CSMD3: variants seen among roughly 807,000 people sequenced by gnomAD.
The protein encoded by CSMD3 is CUB and sushi domain-containing protein 3.
Under a neutral mutation model 435.2 loss-of-function variants are expected in CSMD3, and 177 were observed. The ratio of observed to expected loss-of-function variants is 0.41; its 90% CI spans 0.36 to 0.46. The LOEUF (loss-of-function observed/expected upper bound fraction) is 0.46, where lower values mean the gene tolerates loss of function less well. Ranked by LOEUF, CSMD3 falls within the 20% of genes least tolerant of loss-of-function variation. The pLI, the probability that CSMD3 is intolerant of heterozygous loss-of-function variation, is 0.34. For synonymous variants in CSMD3, 1,656 were observed against 1,520.5 expected (o/e 1.09, Z -2.07); for missense variants, 4,265 against 4,504.6 (o/e 0.95, Z 1.52).
chr8:112,946,928 A>T (rs1031848465), intron 9 of CSMD3, among the ~76,000 whole-genome samples: 2 of 151,600 alleles, frequency 1.3e-5, no homozygotes, highest in African/African-American at 2.4e-5. Context: ...TCTAAGAACT[A>T]TTTTTTTCTT....
At chr8:112,627,876 A>G (rs372554765) in intron 22 of CSMD3, among the ~76,000 whole-genome samples, 2 of 152,314 alleles carry the variant, frequency 1.3e-5, no homozygotes, top group East Asian at 3.9e-4. Flanking sequence ...GCAGACACAC[A>G]GAAAGTATAA....
At chr8:113,284,856 A>G (rs2093635080) in intron 2 of CSMD3, among the ~76,000 whole-genome samples, 1 of 152,198 alleles carries the variant, frequency 6.6e-6, no homozygotes, top group Non-Finnish European at 1.5e-5. Context: ...ATAGTGAATG[A>G]CATTTTATGT....
chr8:113,378,889 CT>C (rs2094402352), intron 1 of CSMD3, among the ~76,000 whole-genome samples: 1 of 151,950 alleles, frequency 6.6e-6, no homozygotes, highest in Admixed American at 6.6e-5. Context: ...TTGAGAAACC[CT>C]ACTTTAAAGA....
chr8:113,038,079 G>A (rs1171883161), intron 5 of CSMD3, among the ~76,000 whole-genome samples: 1 of 152,116 alleles, frequency 6.6e-6, no homozygotes, highest in Non-Finnish European at 1.5e-5. Flanking sequence ...GGGCAACAGG[G>A]TCTGCAGACA....
chr8:112,355,445 G>T (rs886642646), intron 38 of CSMD3, among the ~76,000 whole-genome samples: 1 of 152,272 alleles, frequency 6.6e-6, no homozygotes, highest in East Asian at 1.9e-4. Context: ...TTCATAATGG[G>T]AGAAAATGTT....
chr8:112,828,069 T>C (rs1424446169), intron 12 of CSMD3, among the ~76,000 whole-genome samples: 1 of 152,214 alleles, frequency 6.6e-6, no homozygotes, highest in South Asian at 2.1e-4. Context: ...GTATATTGCA[T>C]GTAAAATATA....
At position 112,975,866 on chromosome 8, in the gene CSMD3, G is replaced by T. The variant is rs1554735810; in HGVS notation, c.1313C>A (p.Thr438Asn). 5.6e-6 allele frequency: 9 copies of T among 1,613,624 alleles called. No homozygotes were observed. In the Admixed American group the frequency reaches 1.5e-4, roughly 27 times the overall value. ...ATGAGTAACAACTGCAAGCTCTTTA[G>T]TTCTTTCTATCTGTTCAGCATGTCT... ...RPRHAEQIER[T>N]KELAVVTHRV... Residue 438 changes from threonine (T) to asparagine (N), a missense_variant, in exon 7 of 71, where the codon ACT becomes AAT. By Grantham distance (65) the Thr-to-Asn change is moderately conservative. Around this residue, in one of 3 missense-constraint regions of CSMD3, gnomAD observed 731 missense variants for 755.4 expected, o/e 0.97. Transcript: ENST00000297405.
chr8:112,636,065 G>T (rs946135564), intron 22 of CSMD3, among the ~76,000 whole-genome samples: 3 of 152,024 alleles, frequency 2.0e-5, no homozygotes, highest in African/African-American at 7.2e-5. Context: ...TCACTAAACA[G>T]CAAGAAGTTT....
At chr8:112,393,083 G>C (rs1025689431) in intron 35 of CSMD3, among the ~76,000 whole-genome samples, 1 of 151,912 alleles carries the variant, frequency 6.6e-6, no homozygotes, top group South Asian at 2.1e-4. Flanking sequence ...TGTAGAGACA[G>C]GATCTGTGTT....
In CSMD3 at chr8:112,231,448, T is replaced by G. The variant is rs1220445191; in HGVS notation, c.10828+97A>C. The G allele has an allele frequency of 4.9e-6, 4 of 808,128 alleles. No homozygotes were observed. In the African/African-American group the frequency reaches 6.8e-5, roughly 14 times the overall value. The allele number at this position is 808,128 out of a possible 1,614,324, so 50.1% of individuals were successfully genotyped here. Reference sequence around the variant, plus strand: ...AGTTCTGGCAGTACAGAATTTATAATGCAGTAAGTGTACCTAATGTACAGA... The same window carrying G: ...AGTTCTGGCAGTACAGAATTTATAAGGCAGTAAGTGTACCTAATGTACAGA... On this transcript the variant is annotated intron_variant, in intron 69 of 70. Transcript: ENST00000297405.
At chr8:112,553,938 T>G (rs1827900407) in intron 25 of CSMD3, among the ~76,000 whole-genome samples, 1 of 151,910 alleles carries the variant, frequency 6.6e-6, no homozygotes, top group South Asian at 2.1e-4. Context: ...AACTATTTTA[T>G]AGGTATGGAT....
At chr8:112,838,297 T>C (rs902269023) in intron 11 of CSMD3, among the ~76,000 whole-genome samples, 3 of 151,860 alleles carry the variant, frequency 2.0e-5, no homozygotes, top group African/African-American at 7.2e-5. Context: ...ACACTAGCGA[T>C]GAAGGCAGAA....
intron 22 of CSMD3, among the ~76,000 whole-genome samples, chr8:112,628,054 A>C (rs2131545518): frequency 6.6e-6 from 1 of 152,314 alleles, no homozygotes; most frequent in Admixed American, 6.5e-5. Context: ...TTTGTCTACA[A>C]ATCCCAAGTG....
chr8:112,851,034 TA>T (rs2080468647), intron 11 of CSMD3, among the ~76,000 whole-genome samples: 1 of 152,220 alleles, frequency 6.6e-6, no homozygotes, highest in Non-Finnish European at 1.5e-5. Flanking sequence ...CTTGTGTAGT[TA>T]TTACTTTTGT....
chr8:113,116,751 G>A (rs891562759), intron 4 of CSMD3, among the ~76,000 whole-genome samples: 2 of 152,130 alleles, frequency 1.3e-5, no homozygotes, highest in African/African-American at 4.8e-5. Flanking sequence ...GTTGTGAATG[G>A]CTTTGACAAA....
chr8:112,988,321 G>A (rs2085328248), intron 6 of CSMD3, among the ~76,000 whole-genome samples: 2 of 152,124 alleles, frequency 1.3e-5, no homozygotes, highest in South Asian at 4.1e-4. Context: ...CACATCTGTG[G>A]ATTAAATTTC....
intron 1 of CSMD3, among the ~76,000 whole-genome samples, chr8:113,420,735 G>T (rs1013994734): frequency 6.6e-6 from 1 of 151,970 alleles, no homozygotes; most frequent in African/African-American, 2.4e-5. Context: ...ATCACCTGAG[G>T]TCAGGAGTTG....
At chr8:112,418,650 T>C (rs1812162545) in intron 32 of CSMD3, among the ~76,000 whole-genome samples, 1 of 152,158 alleles carries the variant, frequency 6.6e-6, no homozygotes, top group Non-Finnish European at 1.5e-5. Context: ...TTCAAAAGCA[T>C]CAGAAAGCCA....
intron 32 of CSMD3, among the ~76,000 whole-genome samples, chr8:112,421,281 A>T (rs1812465728): frequency 6.6e-6 from 1 of 151,858 alleles, no homozygotes; most frequent in African/African-American, 2.4e-5. Flanking sequence ...AGTGATTCAC[A>T]CCTGTAATCC....
Sources: allele counts gnomAD v4.1 joint callset (sites outside exome capture counted in the v4.1 genomes callset), GRCh38; gene constraint gnomAD v4.1.1; regional missense constraint gnomAD v4.1.1; transcripts MANE v1.5; gene names NCBI Gene and HGNC (gene_info 2026-07-23, HGNC 2026-07-21).